Variants in EML5 observed in about 807,000 individuals in gnomAD.
The protein encoded by EML5 is echinoderm microtubule-associated protein-like 5.
EML5 carries 120 observed loss-of-function variants against 250.0 expected under a neutral mutation model. The ratio of observed to expected loss-of-function variants is 0.48; its 90% CI spans 0.41 to 0.56. The LOEUF (loss-of-function observed/expected upper bound fraction) is 0.56. Ranked by LOEUF, EML5 falls within the 20% of genes least tolerant of loss-of-function variation. The probability of loss-of-function intolerance (pLI) is 0.00; values close to 1 mark genes in which losing one functional copy is unlikely to be tolerated. For missense variants in EML5, 2,006 were observed against 2,437.6 expected (o/e 0.82, Z 3.73); for synonymous variants, 771 against 806.5 (o/e 0.96, Z 0.75).
intron 14 of EML5, among the ~76,000 whole-genome samples, chr14:88,697,712 A>G (rs17188193): frequency 0.18 from 26,656 of 152,158 alleles, 2,883 homozygotes; most frequent in East Asian, 0.47. Context: ...TGTCAATTAT[A>G]GTTAATTTTG....
chr14:88,642,768 T>C, intron 31 of EML5, 125 bp downstream of exon 31: 1 of 937,730 alleles, frequency 1.1e-6, no homozygotes, highest in Non-Finnish European at 1.6e-6. Context: ...GAAATATTTT[T>C]ATTCTGGAGT....
chr14:88,705,437 GAAA>G (rs1489557619), intron 12 of EML5, 42 bp downstream of exon 12: 2 of 1,387,122 alleles, frequency 1.4e-6, no homozygotes, highest in Non-Finnish European at 2.0e-6. Flanking sequence ...AGATAAAGAA[GAAA>G]TTAGACTTTT....
Position 88,704,921 on chromosome 14 carries a change from C to A in EML5, c.1990G>T (p.Ala664Ser), listed in dbSNP as rs1399784384. Residue 664 changes from alanine to serine, a missense_variant, in exon 13 of 44, where the codon GCT (alanine) becomes TCT (serine). This residue lies in a region of EML5 where 1,375 missense variants were observed against 1,590.3 expected (regional missense o/e 0.86). Transcript: ENST00000554922. ...KEQCKEKQKSATSKRRERAPG... is the reference protein window; with the variant it reads ...KEQCKEKQKSSTSKRRERAPG... Reference sequence around the variant, plus strand: ...GCCCGCTCTCTTCTTTTAGAAGTAGCACTTTTTTGTTTCTCTTTGCACTGT... The same window carrying A: ...GCCCGCTCTCTTCTTTTAGAAGTAGAACTTTTTTGTTTCTCTTTGCACTGT... The A allele has an allele frequency of 1.2e-6, 2 of 1,613,062 alleles. No homozygotes were observed. Among genetic ancestry groups the A allele is most frequent in the East Asian group, 4.5e-5 (2 of 44,796 alleles).
intron 21 of EML5, among the ~76,000 whole-genome samples, chr14:88,678,523 C>T (rs890083533): frequency 6.6e-6 from 1 of 152,178 alleles, no homozygotes; most frequent in East Asian, 1.9e-4. Flanking sequence ...ACCTCCTAGA[C>T]AAAACTGGAA....
chr14:88,621,975 A>C, intron 37 of EML5: 1 of 430,632 alleles, frequency 2.3e-6, no homozygotes, highest in Middle Eastern at 3.4e-4. Context: ...AAAACATACT[A>C]TTCCTATCTG....
intron 21 of EML5, among the ~76,000 whole-genome samples, chr14:88,677,228 G>A (rs370444569): frequency 1.3e-5 from 2 of 152,126 alleles, no homozygotes; most frequent in African/African-American, 4.8e-5. Context: ...AATAAATGAT[G>A]CTGGGAAAAC....
intron 36 of EML5, 170 bp from the exon 37 acceptor site, chr14:88,622,888 A>T (rs1427889294): frequency 6.4e-6 from 3 of 468,240 alleles, no homozygotes; most frequent in Admixed American, 4.1e-5. Context: ...AGGATATACT[A>T]TATCTCAGTC....
At chr14:88,700,693 C>T (rs967090623) in intron 14 of EML5, among the ~76,000 whole-genome samples, 3 of 152,052 alleles carry the variant, frequency 2.0e-5, no homozygotes, top group African/African-American at 7.2e-5. Context: ...GAGGCAAATA[C>T]CCACAAAAAC....
rs2091369178 is a variant in EML5, at chr14:88,646,808, C to T, written c.4028+139G>A. The T allele has an allele frequency of 8.0e-5, 58 of 728,648 alleles. 1 individual carries two copies. In the South Asian group the frequency reaches 1.3e-3, roughly 16 times the overall value. The allele number at this position is 728,648 out of a possible 1,614,324, so 45.1% of individuals were successfully genotyped here. ...TAAGATGTTATTCATTTCAGTGATA[C>T]CAATTCCAAAGGAAAAAAATGTGCA... On this transcript the variant is annotated intron_variant, in intron 29 of 43. Coordinates refer to ENST00000554922, the MANE Select transcript of EML5 (RefSeq NM_183387.3).
At chr14:88,653,396 A>G (rs1162432020) in intron 27 of EML5, among the ~76,000 whole-genome samples, 2 of 152,166 alleles carry the variant, frequency 1.3e-5, no homozygotes, top group Non-Finnish European at 2.9e-5. Context: ...GAATGCTCCC[A>G]GTTTTTGCCC....
At chr14:88,645,868 C>T (rs907914601) in intron 29 of EML5, among the ~76,000 whole-genome samples, 1 of 152,186 alleles carries the variant, frequency 6.6e-6, no homozygotes, top group Admixed American at 6.5e-5. Flanking sequence ...CTTCTCTGTT[C>T]AGGATCTATT....
At chr14:88,632,052 T>C (rs2090467769) in intron 33 of EML5, among the ~76,000 whole-genome samples, 2 of 152,274 alleles carry the variant, frequency 1.3e-5, no homozygotes, top group African/African-American at 2.4e-5. Flanking sequence ...GTCCAATAAA[T>C]TTCACTCCTT....
At chr14:88,638,352 A>G (rs2090854110) in intron 32 of EML5, among the ~76,000 whole-genome samples, 1 of 152,232 alleles carries the variant, frequency 6.6e-6, no homozygotes. Flanking sequence ...AAAAGGCAGA[A>G]GGGATTTACC....
Position 88,644,047 on chromosome 14 carries a change from A to G in EML5, c.4107+386T>C, listed in dbSNP as rs72697907. ...AGGCTTCATGAACCCTGTACAGTGA[A>G]TATATCGCACAGGGTCAAAATTCCT... is the stretch of plus-strand genomic sequence containing the variant. On this transcript the variant is annotated intron_variant, in intron 30 of 43. Transcript: ENST00000554922. Among the ~76,000 whole-genome samples, 1,506 of 152,294 alleles carry G rather than the reference A, an allele frequency of 9.9e-3. 9 individuals are homozygous for G. Among genetic ancestry groups the G allele is most frequent in the Admixed American group, 0.021 (317 of 15,296 alleles).
At chr14:88,785,279 G>T (rs2094540138) in intron 1 of EML5, among the ~76,000 whole-genome samples, 1 of 152,016 alleles carries the variant, frequency 6.6e-6, no homozygotes, top group Admixed American at 6.6e-5. Flanking sequence ...GGCACAACAG[G>T]GTGACTATAG....
chr14:88,655,945 A>T (rs2091851014), intron 27 of EML5, among the ~76,000 whole-genome samples: 1 of 152,190 alleles, frequency 6.6e-6, no homozygotes, highest in African/African-American at 2.4e-5. Context: ...TAGAATGGTG[A>T]TCATTAAAAA....
chr14:88,724,026 T>G (rs1423544906), intron 8 of EML5, among the ~76,000 whole-genome samples: 1 of 151,872 alleles, frequency 6.6e-6, no homozygotes, highest in South Asian at 2.1e-4. Flanking sequence ...ATCCCAGCAC[T>G]CTGGGAGGCC....
intron 32 of EML5, among the ~76,000 whole-genome samples, chr14:88,635,598 A>G (rs977394573): frequency 1.3e-5 from 2 of 152,216 alleles, no homozygotes; most frequent in Admixed American, 1.3e-4. Context: ...CTTGATGAGT[A>G]CACTCCTATA....
intron 17 of EML5, 62 bp from the exon 18 acceptor site, chr14:88,688,535 A>T: frequency 6.5e-7 from 1 of 1,536,086 alleles, no homozygotes. Flanking sequence ...ATAAAGAAGC[A>T]AAGTTTCTTT....
Sources: allele counts gnomAD v4.1 joint callset (sites outside exome capture counted in the v4.1 genomes callset), GRCh38; gene constraint gnomAD v4.1.1; regional missense constraint gnomAD v4.1.1; transcripts MANE v1.5; gene names NCBI Gene and HGNC (gene_info 2026-07-23, HGNC 2026-07-21).